The following GABRB1 variants were observed in gnomAD, a reference collection of about 807,000 sequenced individuals.
The protein encoded by GABRB1 is gamma-aminobutyric acid receptor subunit beta-1.
Under a neutral mutation model 51.6 loss-of-function variants are expected in GABRB1, and 17 were observed. The ratio of observed to expected loss-of-function variants is 0.33; its 90% CI spans 0.23 to 0.49. GABRB1 has a LOEUF of 0.49. Ranked by LOEUF, GABRB1 falls within the 20% of genes least tolerant of loss-of-function variation. The pLI is 0.99. For missense variants in GABRB1, 410 were observed against 600.6 expected (o/e 0.68, Z 3.32); for synonymous variants, 247 against 218.9 (o/e 1.13, Z -1.14).
intron 3 of GABRB1, among the ~76,000 whole-genome samples, chr4:47,143,227 C>T (rs1156361463): frequency 6.6e-6 from 1 of 151,794 alleles, no homozygotes; most frequent in Non-Finnish European, 1.5e-5. Flanking sequence ...CTGAGGGTAT[C>T]ATCAAAAAGA....
rs1719518342 is a variant in GABRB1 at position 47,193,256 on chromosome 4, G to A, written c.461+31787G>A. ...TCCTGCCTCAGCCTCCTGAGTAGCT[G>A]GGATTACAGGCATGCGCCACCACAC... On this transcript the variant is annotated intron_variant, in intron 4 of 8. Transcript: ENST00000295454. Among the ~76,000 whole-genome samples, 6 of 152,122 alleles carry A rather than the reference G, an allele frequency of 3.9e-5. 1 individual carries two copies. In the South Asian group the frequency reaches 1.2e-3, roughly 32 times the overall value.
At chr4:47,066,131 C>A (rs1727069585) in intron 3 of GABRB1, among the ~76,000 whole-genome samples, 1 of 152,212 alleles carries the variant, frequency 6.6e-6, no homozygotes, top group Non-Finnish European at 1.5e-5. Context: ...TAAAGTGAGT[C>A]ACACACAATT....
At chr4:47,226,568 C>T (rs868200686) in intron 4 of GABRB1, among the ~76,000 whole-genome samples, 14 of 152,086 alleles carry the variant, frequency 9.2e-5, no homozygotes, top group Middle Eastern at 3.2e-3. Context: ...CTAGTTTATA[C>T]CTAGCCAAAT....
At chr4:47,317,415 G>A (rs1195130283) in intron 4 of GABRB1, among the ~76,000 whole-genome samples, 1 of 151,828 alleles carries the variant, frequency 6.6e-6, no homozygotes, top group Non-Finnish European at 1.5e-5. Context: ...TATTTATTGT[G>A]GGTGTTTTAT....
chr4:47,314,514 A>C (rs1236741095), intron 4 of GABRB1, among the ~76,000 whole-genome samples: 2 of 152,012 alleles, frequency 1.3e-5, no homozygotes, highest in African/African-American at 4.8e-5. Context: ...AAATGGACTA[A>C]ATAAAGTGAG....
At chr4:47,012,129 G>T (rs1172146836) in intron 1 of GABRB1, among the ~76,000 whole-genome samples, 6 of 152,048 alleles carry the variant, frequency 3.9e-5, no homozygotes, top group Non-Finnish European at 8.8e-5. Context: ...ATTTTTACAT[G>T]TGTATACAAA....
At chr4:47,090,706 A>G (rs1466973182) in intron 3 of GABRB1, among the ~76,000 whole-genome samples, 1 of 152,222 alleles carries the variant, frequency 6.6e-6, no homozygotes, top group Admixed American at 6.5e-5. Flanking sequence ...AGAACCTACT[A>G]CATTAAAGGT....
chr4:47,013,454 C>T (rs551214781), intron 1 of GABRB1, among the ~76,000 whole-genome samples: 3 of 152,186 alleles, frequency 2.0e-5, no homozygotes, highest in Non-Finnish European at 2.9e-5. Flanking sequence ...CCACTGTGCC[C>T]GGTCTGTGCA....
chr4:47,262,637 G>A (rs1191490577), intron 4 of GABRB1, among the ~76,000 whole-genome samples: 4 of 152,152 alleles, frequency 2.6e-5, no homozygotes, highest in Admixed American at 6.6e-5. Context: ...TCAGTGTGGC[G>A]ATTCTTCAGG....
chr4:47,418,512 C>A (rs902912402), intron 8 of GABRB1, among the ~76,000 whole-genome samples: 3 of 152,258 alleles, frequency 2.0e-5, no homozygotes, highest in Admixed American at 2.0e-4. Context: ...ACTGTAAATG[C>A]CAATCACATC....
At chr4:47,158,930 A>G (rs1002120568) in intron 3 of GABRB1, among the ~76,000 whole-genome samples, 4 of 151,948 alleles carry the variant, frequency 2.6e-5, no homozygotes, top group African/African-American at 4.8e-5. Context: ...CTTAACCTTA[A>G]TTTTCTCAAT....
At chr4:47,130,277 C>T (rs1400023612) in intron 3 of GABRB1, among the ~76,000 whole-genome samples, 1 of 152,090 alleles carries the variant, frequency 6.6e-6, no homozygotes, top group Non-Finnish European at 1.5e-5. Flanking sequence ...CCCACCTCCA[C>T]AGCCCCATAC....
At chr4:47,197,785 AT>A (rs1321719617) in intron 4 of GABRB1, among the ~76,000 whole-genome samples, 1 of 152,218 alleles carries the variant, frequency 6.6e-6, no homozygotes, top group African/African-American at 2.4e-5. Context: ...TTGTTCATTC[AT>A]ACTCTGTCAT....
intron 3 of GABRB1, among the ~76,000 whole-genome samples, chr4:47,122,925 A>C (rs1715844709): frequency 6.6e-6 from 1 of 152,180 alleles, no homozygotes; most frequent in Admixed American, 6.5e-5. Flanking sequence ...TGACTGGTAG[A>C]ATACTAGCCC....
intron 3 of GABRB1, among the ~76,000 whole-genome samples, chr4:47,117,919 AT>A (rs1715578417): frequency 6.6e-6 from 1 of 152,154 alleles, no homozygotes; most frequent in African/African-American, 2.4e-5. Flanking sequence ...TTATAAAGTC[AT>A]TTGTTACATA....
chr4:47,124,533 A>C (rs1716024404), intron 3 of GABRB1, among the ~76,000 whole-genome samples: 1 of 152,214 alleles, frequency 6.6e-6, no homozygotes, highest in South Asian at 2.1e-4. Context: ...GGAAATCTAT[A>C]AATTGCCTGA....
intron 5 of GABRB1, among the ~76,000 whole-genome samples, chr4:47,391,397 T>C (rs968513198): frequency 2.0e-5 from 3 of 152,200 alleles, no homozygotes; most frequent in Non-Finnish European, 4.4e-5. Context: ...TTTTGTGTAG[T>C]ATTGACATGC....
chr4:47,083,627 G>A (rs1051452548), intron 3 of GABRB1, among the ~76,000 whole-genome samples: 1 of 151,944 alleles, frequency 6.6e-6, no homozygotes, highest in African/African-American at 2.4e-5. Flanking sequence ...CTATTTCCTG[G>A]GTCTGTCACA....
intron 3 of GABRB1, among the ~76,000 whole-genome samples, chr4:47,137,737 T>C (rs1279878767): frequency 6.6e-6 from 1 of 152,262 alleles, no homozygotes; most frequent in South Asian, 2.1e-4. Context: ...ATTTAAGATA[T>C]TTGGTTATGT....
Sources: allele counts gnomAD v4.1 joint callset (sites outside exome capture counted in the v4.1 genomes callset), GRCh38; gene constraint gnomAD v4.1.1; transcripts MANE v1.5; gene names NCBI Gene and HGNC (gene_info 2026-07-23, HGNC 2026-07-21).